Variants in FBXO17 observed in about 807,000 individuals in gnomAD.
FBXO17 encodes F-box only protein 17.
In FBXO17, 43 loss-of-function variants were observed where a neutral mutation model predicts 34.1. The observed-to-expected ratio is 1.26, with a 90% CI of 0.99 to 1.62. FBXO17 has a LOEUF of 1.62. Ranked by LOEUF, FBXO17 falls within the 40% of genes most tolerant of loss-of-function variation. The probability of loss-of-function intolerance (pLI) is 0.00; values close to 1 mark genes in which losing one functional copy is unlikely to be tolerated. For missense variants in FBXO17, 424 were observed against 386.7 expected (o/e 1.10, Z -0.81); for synonymous variants, 169 against 166.0 (o/e 1.02, Z -0.14).
intron 1 of FBXO17, among the ~76,000 whole-genome samples, chr19:38,952,994 C>T (rs1975109377): frequency 6.6e-6 from 1 of 152,136 alleles, no homozygotes; most frequent in Non-Finnish European, 1.5e-5. Context: ...GCTTAAATTC[C>T]ATGGTTAATC....
chr19:38,967,822 T>G (rs1446516631), intron 1 of FBXO17, among the ~76,000 whole-genome samples: 2 of 152,126 alleles, frequency 1.3e-5, no homozygotes, highest in African/African-American at 4.8e-5. Flanking sequence ...TTCCTTGACC[T>G]CTCAAAGTGC....
chr19:38,974,714 G>A (rs1416180942), intron 1 of FBXO17, among the ~76,000 whole-genome samples: 1 of 152,090 alleles, frequency 6.6e-6, no homozygotes, highest in Non-Finnish European at 1.5e-5. Context: ...AATAAAAAGT[G>A]GAAAAAGTTA....
intron 1 of FBXO17, among the ~76,000 whole-genome samples, chr19:38,965,936 C>T (rs1975313960): frequency 6.6e-6 from 1 of 152,054 alleles, no homozygotes; most frequent in Non-Finnish European, 1.5e-5. Context: ...GCCGTTGCTC[C>T]CAGCCTCAAC....
intron 1 of FBXO17, among the ~76,000 whole-genome samples, chr19:38,956,448 TA>T (rs1314932045): frequency 1.3e-5 from 2 of 152,128 alleles, no homozygotes; most frequent in Non-Finnish European, 1.5e-5. Context: ...TAAAGCCTCT[TA>T]ACCAAGGGCA....
At position 38,942,467 on chromosome 19, in the gene FBXO17, GC is replaced by G; in HGVS notation, c.*140del. On this transcript the variant is annotated 3_prime_UTR_variant, in exon 6 of 6. Transcript: ENST00000292852. ...TTTGTGGAGACGGTTTCACTATGTTGCCCAGGCTGGTCTTGAACTCCCGAGC... is the reference window on the plus strand; with the variant it reads ...TTTGTGGAGACGGTTTCACTATGTTGCCAGGCTGGTCTTGAACTCCCGAGC... 4 of 838,034 alleles carry G rather than the reference GC, an allele frequency of 4.8e-6. No homozygotes were observed. The highest frequency in any genetic ancestry group is 5.1e-6 in the Non-Finnish European group (3 of 591,110). The allele number at this position is 838,034 out of a possible 1,614,324, so 51.9% of individuals were successfully genotyped here.
At chr19:38,954,895 T>TTTTTTTTTA (rs1337953339) in intron 1 of FBXO17, among the ~76,000 whole-genome samples, 1 of 134,216 alleles carries the variant, frequency 7.5e-6, no homozygotes, top group Non-Finnish European at 1.5e-5. Context: ...AATGTGTTAT[T>TTTTTTTTTA]TTATTATTAT....
chr19:38,954,641 G>A (rs12982592), intron 1 of FBXO17, among the ~76,000 whole-genome samples: 46,840 of 143,240 alleles, frequency 0.33, 8,410 homozygotes, highest in African/African-American at 0.46. Flanking sequence ...GTGCAGTGGC[G>A]CGATCTCAGC....
rs1301350667 is a variant in FBXO17, at chr19:38,942,527, G to A, written c.*81C>T. ...TCCTCCCACCTCGGCCTCCTGAAGT[G>A]CTGGGATTCCACAGGTGTGAGCCAC... On this transcript the variant is annotated 3_prime_UTR_variant, in exon 6 of 6. Coordinates refer to ENST00000292852, the MANE Select transcript of FBXO17 (RefSeq NM_024907.7). 7 of 1,407,686 alleles carry A rather than the reference G, an allele frequency of 5.0e-6. No individual in the cohort carries two copies. The Admixed American group carries it at 1.5e-4, about 29-fold the overall frequency. 87.2% of individuals were successfully genotyped at this position (1,407,686 alleles called of 1,614,324 possible).
chr19:38,946,177 A>C (rs1974980281), intron 4 of FBXO17: 1 of 458,276 alleles, frequency 2.2e-6, no homozygotes, highest in Admixed American at 3.9e-5. Flanking sequence ...GGGCATCCAC[A>C]AGGTGGTCAG....
rs146264480 is a variant in FBXO17 at position 38,963,584 on chromosome 19, C to T, written c.-18+12002G>A. Among the ~76,000 whole-genome samples, 20 of 152,186 alleles carry T rather than the reference C, an allele frequency of 1.3e-4. No homozygotes were observed. The East Asian group carries it at 1.4e-3, about 10-fold the overall frequency. On this transcript the variant is annotated intron_variant, in intron 1 of 5. Transcript: ENST00000292852. The stretch of plus-strand genomic sequence containing the variant: ...CTGGGATTACAGGCATGAGCCACCG[C>T]GCTTGGCCCATCCACTTGTTGTGTA...
chr19:38,966,293 T>TTTTGTGTGTG, intron 1 of FBXO17, among the ~76,000 whole-genome samples: 1 of 143,054 alleles, frequency 7.0e-6, no homozygotes, highest in East Asian at 2.0e-4. Context: ...ATTAAAAATT[T>TTTTGTGTGTG]TGTGTGTGTG....
chr19:38,967,013 C>A (rs1975329891), intron 1 of FBXO17, among the ~76,000 whole-genome samples: 1 of 151,998 alleles, frequency 6.6e-6, no homozygotes, highest in Non-Finnish European at 1.5e-5. Flanking sequence ...AGATCCAACA[C>A]CAAAAACTAT....
At chr19:38,971,391 G>T (rs1224034859) in intron 1 of FBXO17, among the ~76,000 whole-genome samples, 1 of 152,138 alleles carries the variant, frequency 6.6e-6, no homozygotes, top group Non-Finnish European at 1.5e-5. Flanking sequence ...GAAAAAACAA[G>T]GCGAAACACA....
intron 1 of FBXO17, among the ~76,000 whole-genome samples, chr19:38,955,174 G>A (rs1022246018): frequency 7.3e-5 from 11 of 151,114 alleles, no homozygotes; most frequent in Admixed American, 4.0e-4. Flanking sequence ...CTCATGATCC[G>A]CCCGCCTTGG....
chr19:38,951,796 T>G (rs1365057277), intron 1 of FBXO17, among the ~76,000 whole-genome samples: 1 of 146,694 alleles, frequency 6.8e-6, no homozygotes, highest in East Asian at 2.0e-4. Context: ...ACTACAGGAA[T>G]GCACCACCAC....
intron 1 of FBXO17, among the ~76,000 whole-genome samples, chr19:38,965,644 T>C (rs1975310105): frequency 6.6e-6 from 1 of 152,104 alleles, no homozygotes; most frequent in African/African-American, 2.4e-5. Flanking sequence ...GTAGCTGGGA[T>C]TACAGGCACG....
At position 38,956,220 on chromosome 19, in the gene FBXO17, C is replaced by T. The variant is rs144453546; in HGVS notation, c.-17-5884G>A. ...GGTGGAGGTTGCAGTGAGCTGAGATCGTGCCTCTGCACTCCAGCCTGGGCG... is the reference window on the plus strand; with the variant it reads ...GGTGGAGGTTGCAGTGAGCTGAGATTGTGCCTCTGCACTCCAGCCTGGGCG... On this transcript the variant is annotated intron_variant, in intron 1 of 5. Coordinates refer to ENST00000292852, the MANE Select transcript of FBXO17 (RefSeq NM_024907.7). Among the ~76,000 whole-genome samples the T allele has an allele frequency of 8.8e-3, 1,316 of 149,154 alleles. 13 individuals carry two copies. The highest frequency in any genetic ancestry group is 0.026 in the African/African-American group (1,038 of 40,524).
rs1335558064 is a variant in FBXO17, at chr19:38,950,023, G to C, written c.297C>G (p.Tyr99Ter). The change falls in exon 2 of 6, where the codon TAC (tyrosine) becomes TAG (stop). Residue 99 changes from tyrosine (Y) to a stop codon, truncating the protein, a stop_gained. Transcript: ENST00000292852. LOFTEE classifies it high-confidence loss of function. ...TGCGGCCGAAGGGCGCGCGCAGACAGTAGCGCGCCAGGGCGCACAGCGGGA... is the reference window on the plus strand; with the variant it reads ...TGCGGCCGAAGGGCGCGCGCAGACACTAGCGCGCCAGGGCGCACAGCGGGA... Reference protein sequence around the residue: ...EEFPLCALARYCLRAPFGRNL... With the variant: ...EEFPLCALAR The C allele has an allele frequency of 6.4e-7, 1 of 1,563,256 alleles. No individual in the cohort carries two copies. Among genetic ancestry groups the C allele is most frequent in the South Asian group, 1.2e-5 (1 of 85,086 alleles).
At chr19:38,969,839 C>G (rs972456167) in intron 1 of FBXO17, among the ~76,000 whole-genome samples, 54 of 152,136 alleles carry the variant, frequency 3.5e-4, no homozygotes, top group African/African-American at 1.2e-3. Context: ...CTCAAGTGAT[C>G]CTCCTGCCTT....
Sources: allele counts gnomAD v4.1 joint callset (sites outside exome capture counted in the v4.1 genomes callset), GRCh38; gene constraint gnomAD v4.1.1; transcripts MANE v1.5; gene names NCBI Gene and HGNC (gene_info 2026-07-23, HGNC 2026-07-21).